TAF4B: variants seen among roughly 807,000 people sequenced by gnomAD.
The protein encoded by TAF4B is transcription initiation factor TFIID subunit 4B.
Under a neutral mutation model 86.4 loss-of-function variants are expected in TAF4B, and 38 were observed. The ratio of observed to expected loss-of-function variants is 0.44; its 90% CI spans 0.34 to 0.58. The LOEUF (loss-of-function observed/expected upper bound fraction) is 0.58. Ranked by LOEUF, TAF4B falls within the 20% of genes least tolerant of loss-of-function variation. The probability of loss-of-function intolerance (pLI) is 0.02; values close to 1 mark genes in which losing one functional copy is unlikely to be tolerated. For missense variants in TAF4B, 988 were observed against 1,027.6 expected (o/e 0.96, Z 0.53); for synonymous variants, 388 against 391.2 (o/e 0.99, Z 0.10).
chr18:26,319,662 G>A (rs1485632270), intron 10 of TAF4B, among the ~76,000 whole-genome samples: 3 of 151,904 alleles, frequency 2.0e-5, no homozygotes, highest in East Asian at 1.9e-4. Flanking sequence ...CGATCTCAGC[G>A]CACTGCAATT....
chr18:26,344,985 G>A (rs2057165131), intron 13 of TAF4B, among the ~76,000 whole-genome samples: 1 of 152,170 alleles, frequency 6.6e-6, no homozygotes, highest in Admixed American at 6.5e-5. Flanking sequence ...AGCCCCTGTT[G>A]CCACCACAAA....
chr18:26,231,735 C>T (rs576860778), intron 1 of TAF4B, among the ~76,000 whole-genome samples: 6 of 152,112 alleles, frequency 3.9e-5, no homozygotes, highest in East Asian at 3.9e-4. Context: ...AGAATGAAGC[C>T]GTGACCTTGG....
rs74609998 is a variant in TAF4B, at chr18:26,340,010, A to T, written c.2316+4779A>T. On this transcript the variant is annotated intron_variant, in intron 13 of 14. Coordinates refer to ENST00000269142, the MANE Select transcript of TAF4B (RefSeq NM_005640.3). ...TCGGATGGTGAGGGAGAAAAAGGAAATCAAGACCTCCTGGTATATTTGCTT... is the reference window on the plus strand; with the variant it reads ...TCGGATGGTGAGGGAGAAAAAGGAATTCAAGACCTCCTGGTATATTTGCTT... Among the ~76,000 whole-genome samples the T allele has an allele frequency of 7.6e-3, 1,156 of 152,346 alleles. 13 individuals carry two copies. The highest frequency in any genetic ancestry group is 0.026 in the African/African-American group (1,099 of 41,572).
intron 4 of TAF4B, 34 bp downstream of exon 4, chr18:26,274,858 T>G: frequency 6.2e-7 from 1 of 1,613,520 alleles, no homozygotes; most frequent in African/African-American, 1.3e-5. Context: ...ATAAATCTTG[T>G]TCCTTGCAAG....
At chr18:26,314,503 G>A (rs2056882551) in intron 9 of TAF4B, among the ~76,000 whole-genome samples, 1 of 152,144 alleles carries the variant, frequency 6.6e-6, no homozygotes, top group South Asian at 2.1e-4. Context: ...GTACATGAGT[G>A]TGTTTTATAT....
In TAF4B at chr18:26,331,905, C is replaced by G. The variant is rs114182529; in HGVS notation, c.2260-3270C>G. On this transcript the variant is annotated intron_variant, in intron 12 of 14. Coordinates refer to ENST00000269142, the MANE Select transcript of TAF4B (RefSeq NM_005640.3). ...TTGCCTAAAAGCCTCCAGTGGCTTC[C>G]TGTTGCACTTAAATGTAAACTTCTT... Among the ~76,000 whole-genome samples, 407 of 152,286 alleles carry G rather than the reference C, an allele frequency of 2.7e-3. 1 individual carries two copies. Among genetic ancestry groups the G allele is most frequent in the African/African-American group, 9.0e-3 (372 of 41,558 alleles).
At chr18:26,273,421 CAT>C (rs961832172) in intron 3 of TAF4B, among the ~76,000 whole-genome samples, 1 of 152,082 alleles carries the variant, frequency 6.6e-6, no homozygotes, top group African/African-American at 2.4e-5. Flanking sequence ...AATATGTACA[CAT>C]ATGTAATATG....
chr18:26,238,050 G>A (rs2055776054), intron 1 of TAF4B, among the ~76,000 whole-genome samples: 1 of 152,128 alleles, frequency 6.6e-6, no homozygotes, highest in South Asian at 2.1e-4. Flanking sequence ...TTTCCTCCTA[G>A]ACCACAAAGA....
At chr18:26,317,345 A>G (rs1160931843) in intron 10 of TAF4B, among the ~76,000 whole-genome samples, 3 of 152,072 alleles carry the variant, frequency 2.0e-5, no homozygotes, top group Admixed American at 6.5e-5. Context: ...TCCAAATTCT[A>G]TTTCCAGTGT....
chr18:26,298,550 A>G (rs2056692612), intron 9 of TAF4B, among the ~76,000 whole-genome samples: 1 of 147,300 alleles, frequency 6.8e-6, no homozygotes, highest in African/African-American at 2.5e-5. Flanking sequence ...TTTTATTTTA[A>G]GAAACAAGGT....
chr18:26,345,814 A>G (rs923971281), intron 13 of TAF4B, among the ~76,000 whole-genome samples: 2 of 152,250 alleles, frequency 1.3e-5, no homozygotes, highest in East Asian at 1.9e-4. Context: ...TAATTTTCCA[A>G]TAACAGAGGC....
At chr18:26,285,173 A>G (rs1237089480) in intron 6 of TAF4B, among the ~76,000 whole-genome samples, 1 of 103,204 alleles carries the variant, frequency 9.7e-6, no homozygotes, top group Non-Finnish European at 2.1e-5. Context: ...AGGTTTTACC[A>G]TGTTGCCTAG....
At chr18:26,380,681 A>G (rs2057472135) in intron 14 of TAF4B, among the ~76,000 whole-genome samples, 1 of 152,090 alleles carries the variant, frequency 6.6e-6, no homozygotes, top group Non-Finnish European at 1.5e-5. Context: ...TAGCCATGTC[A>G]GCTTTCTCAC....
At chr18:26,387,962 T>TA (rs1978475579) in intron 14 of TAF4B, among the ~76,000 whole-genome samples, 1 of 152,086 alleles carries the variant, frequency 6.6e-6, no homozygotes, top group Non-Finnish European at 1.5e-5. Flanking sequence ...TTGGAGACCT[T>TA]AAGAGATTTC....
chr18:26,272,550 C>T (rs1447614352), intron 3 of TAF4B, among the ~76,000 whole-genome samples: 1 of 152,110 alleles, frequency 6.6e-6, no homozygotes, highest in Non-Finnish European at 1.5e-5. Context: ...TACTTGTAAA[C>T]GATAGGACGT....
At chr18:26,379,270 A>G (rs1457040420) in intron 14 of TAF4B, among the ~76,000 whole-genome samples, 1 of 152,048 alleles carries the variant, frequency 6.6e-6, no homozygotes, top group Non-Finnish European at 1.5e-5. Flanking sequence ...TCCTAAAAAA[A>G]CCTTTGTGTA....
chr18:26,294,853 A>T (rs1269598467), intron 9 of TAF4B, among the ~76,000 whole-genome samples: 1 of 150,202 alleles, frequency 6.7e-6, no homozygotes, highest in Non-Finnish European at 1.5e-5. Flanking sequence ...ATCTTCTGGA[A>T]CAAAGCATAG....
At chr18:26,258,366 T>C (rs1168885476) in intron 1 of TAF4B, among the ~76,000 whole-genome samples, 1 of 152,230 alleles carries the variant, frequency 6.6e-6, no homozygotes, top group Non-Finnish European at 1.5e-5. Flanking sequence ...GCTTCTGAGC[T>C]ACCATCTGAA....
At chr18:26,374,352 G>C (rs957262337) in intron 14 of TAF4B, among the ~76,000 whole-genome samples, 1 of 152,104 alleles carries the variant, frequency 6.6e-6, no homozygotes, top group Non-Finnish European at 1.5e-5. Context: ...CCGTCTGCCT[G>C]CTTCTTCTAT....
Sources: gnomAD v4.1 joint callset for allele counts (sites outside exome capture counted in the v4.1 genomes callset) on GRCh38, gnomAD v4.1.1 for gene constraint, MANE v1.5 for transcripts, NCBI Gene and HGNC (gene_info 2026-07-23, HGNC 2026-07-21) for gene names.